The following IFT88 variants were observed in gnomAD, a reference collection of about 807,000 sequenced individuals.
The protein encoded by IFT88 is intraflagellar transport 88.
Under a neutral mutation model 119.5 loss-of-function variants are expected in IFT88, and 74 were observed. The ratio of observed to expected loss-of-function variants is 0.62; its 90% CI spans 0.51 to 0.75. IFT88 has a LOEUF of 0.75. Ranked by LOEUF, IFT88 falls within the 30% of genes least tolerant of loss-of-function variation. The pLI is 0.00. For missense variants in IFT88, 961 were observed against 977.7 expected (o/e 0.98, Z 0.23); for synonymous variants, 279 against 316.7 (o/e 0.88, Z 1.26).
chr13:20,625,874 TG>T, intron 15 of IFT88, 25 bp downstream of exon 15: 2 of 1,262,854 alleles, frequency 1.6e-6, no homozygotes, highest in East Asian at 2.4e-5. Flanking sequence ...AAATTTTAGA[TG>T]GAATTCCATA....
intron 14 of IFT88, among the ~76,000 whole-genome samples, chr13:20,624,010 C>T (rs535626001): frequency 6.6e-6 from 1 of 152,258 alleles, no homozygotes; most frequent in South Asian, 2.1e-4. Context: ...TAATTTCCAG[C>T]AAGTTAGGCA....
chr13:20,616,927 T>C (rs2045716306), intron 14 of IFT88, among the ~76,000 whole-genome samples: 1 of 151,942 alleles, frequency 6.6e-6, no homozygotes, highest in South Asian at 2.1e-4. Context: ...GACCAAAACT[T>C]TTTTTTGGTT....
At chr13:20,641,457 T>A (rs765723225) in intron 18 of IFT88, 59 bp downstream of exon 18, 6 of 999,468 alleles carry the variant, frequency 6.0e-6, no homozygotes, top group South Asian at 1.4e-5. Context: ...TGATTGAAGA[T>A]CAATTATTAA....
intron 22 of IFT88, among the ~76,000 whole-genome samples, chr13:20,661,760 A>G (rs923720994): frequency 3.9e-5 from 6 of 152,026 alleles, no homozygotes; most frequent in Non-Finnish European, 8.8e-5. Flanking sequence ...TTATAAATGT[A>G]CAAGAACAAA....
intron 24 of IFT88, among the ~76,000 whole-genome samples, chr13:20,681,233 G>A (rs920813630): frequency 2.6e-5 from 4 of 152,216 alleles, no homozygotes; most frequent in East Asian, 3.8e-4. Flanking sequence ...ACCGTGAAGC[G>A]TTGCAGAAGA....
chr13:20,585,925 A>T lies in IFT88; in HGVS notation c.153+2906A>T, dbSNP rs150700631. Among the ~76,000 whole-genome samples, 247 of 152,338 alleles carry T rather than the reference A, an allele frequency of 1.6e-3. 2 individuals carry two copies. The highest frequency in any genetic ancestry group is 5.7e-4 in the Non-Finnish European group (39 of 68,026). On this transcript the variant is annotated intron_variant, in intron 3 of 25. Transcript: ENST00000351808. ...TGCACTAGGCTAGTGATTAGACTGT[A>T]AGCTTTTCAAAGAGGCAGATTATCT...
chr13:20,611,869 T>G (rs2442456), intron 13 of IFT88, among the ~76,000 whole-genome samples: 150,834 of 152,238 alleles, frequency 0.99, 74,733 homozygotes, highest in East Asian at 1. Context: ...GCCTCCCAAA[T>G]TGCTGGGATT....
In IFT88 at chr13:20,602,194, TA is replaced by T. The variant is rs200877424; in HGVS notation, c.1041+263del. On this transcript the variant is annotated intron_variant, in intron 12 of 25. Transcript: ENST00000351808. ...AAAAATAAGATTCCATGTCATTCATTAAGCATAATATCTTTTTTTTTTTTTT... is the reference window on the plus strand; with the variant it reads ...AAAAATAAGATTCCATGTCATTCATTAGCATAATATCTTTTTTTTTTTTTT... Among the ~76,000 whole-genome samples the T allele has an allele frequency of 2.6e-3, 376 of 147,288 alleles. 16 individuals are homozygous for T. The East Asian group carries it at 0.065, about 25-fold the overall frequency.
chr13:20,632,246 T>C (rs2048315178), intron 16 of IFT88: 1 of 152,112 alleles, frequency 6.6e-6, no homozygotes, highest in Admixed American at 6.5e-5. Context: ...TTTTTCAGTA[T>C]CCTTTTCAAT....
At chr13:20,668,039 A>C (rs532980492) in intron 23 of IFT88, among the ~76,000 whole-genome samples, 1 of 152,338 alleles carries the variant, frequency 6.6e-6, no homozygotes, top group African/African-American at 2.4e-5. Flanking sequence ...ACTTAGCAGC[A>C]GCTCTGTATA....
chr13:20,569,040 C>T (rs2035627193), intron 1 of IFT88, among the ~76,000 whole-genome samples: 1 of 151,998 alleles, frequency 6.6e-6, no homozygotes, highest in South Asian at 2.1e-4. Context: ...CCTTTTGAAG[C>T]TATTTTGGAA....
intron 11 of IFT88, among the ~76,000 whole-genome samples, chr13:20,599,841 A>T (rs1373870972): frequency 6.6e-6 from 1 of 152,152 alleles, no homozygotes; most frequent in East Asian, 1.9e-4. Flanking sequence ...GATATAACTT[A>T]ATGCGGACAC....
At chr13:20,582,833 T>C in intron 2 of IFT88, 124 bp from the exon 3 acceptor site, 1 of 672,600 alleles carries the variant, frequency 1.5e-6, no homozygotes, top group East Asian at 2.5e-5. Flanking sequence ...GTAGGAGTCC[T>C]AGATGTCAAC....
intron 14 of IFT88, among the ~76,000 whole-genome samples, chr13:20,616,705 A>G (rs193193076): frequency 1.2e-4 from 19 of 152,340 alleles, no homozygotes; most frequent in African/African-American, 4.6e-4. Context: ...AACCAGTAAC[A>G]TAATTGTTTA....
At chr13:20,575,053 C>A (rs368956333) in intron 2 of IFT88, among the ~76,000 whole-genome samples, 1 of 117,992 alleles carries the variant, frequency 8.5e-6, no homozygotes, top group African/African-American at 2.9e-5. Flanking sequence ...CTAGATCTTA[C>A]GCTTTCTTTT....
chr13:20,667,120 C>T (rs935379012), intron 23 of IFT88, among the ~76,000 whole-genome samples: 12 of 152,136 alleles, frequency 7.9e-5, no homozygotes, highest in African/African-American at 2.9e-4. Context: ...TGATAAGAAT[C>T]ATTTATGTCA....
intron 16 of IFT88, among the ~76,000 whole-genome samples, chr13:20,633,069 G>A (rs1263944199): frequency 2.6e-5 from 4 of 152,170 alleles, no homozygotes; most frequent in African/African-American, 9.7e-5. Flanking sequence ...CTAGAGGAGG[G>A]TGCTGATTGG....
At chr13:20,666,259 A>G (rs551387549) in intron 23 of IFT88, among the ~76,000 whole-genome samples, 144 of 152,322 alleles carry the variant, frequency 9.5e-4, no homozygotes, top group Non-Finnish European at 1.7e-3. Context: ...TTCTCAAACT[A>G]TCTGTGGTGA....
At chr13:20,666,942 T>C (rs1446843995) in intron 23 of IFT88, among the ~76,000 whole-genome samples, 3 of 152,234 alleles carry the variant, frequency 2.0e-5, no homozygotes, top group African/African-American at 4.8e-5. Context: ...AATGGGACTT[T>C]TTTTAAAACA....
Sources: allele counts gnomAD v4.1 joint callset (sites outside exome capture counted in the v4.1 genomes callset), GRCh38; gene constraint gnomAD v4.1.1; transcripts MANE v1.5; gene names NCBI Gene and HGNC (gene_info 2026-07-23, HGNC 2026-07-21).